The following RUFY4 variants were observed in gnomAD, a reference collection of about 807,000 sequenced individuals.
RUFY4 encodes the protein RUN and FYVE domain-containing protein 4.
RUFY4 carries 73 observed loss-of-function variants against 69.0 expected under a neutral mutation model. The observed-to-expected ratio is 1.06, with a 90% confidence interval of 0.88 to 1.29. The LOEUF (loss-of-function observed/expected upper bound fraction) is 1.29, where lower values mean the gene tolerates loss of function less well. Ranked by LOEUF, RUFY4 falls within the 50% of genes most tolerant of loss-of-function variation. The pLI, the probability that RUFY4 is intolerant of heterozygous loss-of-function variation, is 0.00. For synonymous variants in RUFY4, 287 were observed against 271.8 expected (o/e 1.06, Z -0.55); for missense variants, 770 against 705.6 (o/e 1.09, Z -1.03).
At chr2:218,062,404 T>G (rs1689218803) in intron 3 of RUFY4, among the ~76,000 whole-genome samples, 1 of 88,346 alleles carries the variant, frequency 1.1e-5, no homozygotes, top group African/African-American at 5.8e-5. Flanking sequence ...AGACTCCGTC[T>G]CAAAAAAAAA....
chr2:218,067,748 C>T (rs1215594570), upstream of RUFY4, among the ~76,000 whole-genome samples: 1 of 152,204 alleles, frequency 6.6e-6, no homozygotes, highest in Non-Finnish European at 1.5e-5. Context: ...CCTTCCCCTC[C>T]TTCTCGCCTT....
At chr2:218,064,774 C>A (rs1364564949), upstream of RUFY4, among the ~76,000 whole-genome samples, 1 of 152,036 alleles carries the variant, frequency 6.6e-6, no homozygotes, top group Admixed American at 6.5e-5. Flanking sequence ...ACCCTGGCAC[C>A]CTAGTTTCCA....
chr2:218,078,450 C>T (rs899874505), intron 8 of RUFY4, among the ~76,000 whole-genome samples: 4 of 151,968 alleles, frequency 2.6e-5, no homozygotes, highest in African/African-American at 9.7e-5. Context: ...GGAGGCCTTC[C>T]GGGCCCCAGT....
chr2:218,075,271 G>A, exon 7 of RUFY4: 2 of 1,590,700 alleles, frequency 1.3e-6, no homozygotes, highest in Non-Finnish European at 1.7e-6. Context: ...AGGAAACATA[G>A]GTACCCCCAG....
intron 10 of RUFY4, 67 bp downstream of exon 12, chr2:218,089,429 C>T (rs1689978176): frequency 7.2e-7 from 1 of 1,379,402 alleles, no homozygotes; most frequent in Admixed American, 2.0e-5. Flanking sequence ...CAGCCCCCAC[C>T]CACCCCAGGG....
Position 218,076,408 on chromosome 2 carries a change from C to A in RUFY4, c.1249-19C>A, listed in dbSNP as rs1308114864. ...GCCCTTCTCCTTCAGCCTCCTTCTCCCCTCCTTCCACCCCACAGAGCCTCA... is the reference window on the plus strand; with the variant it reads ...GCCCTTCTCCTTCAGCCTCCTTCTCACCTCCTTCCACCCCACAGAGCCTCA... On this transcript the variant is annotated intron_variant, in intron 7 of 10. Transcript: ENST00000344321. 6.5e-6 allele frequency: 10 copies of A among 1,547,986 alleles called. No individual in the cohort carries two copies.
At chr2:218,072,333 G>A in intron 2 of RUFY4, 41 bp from the exon 5 acceptor site, 1 of 1,533,626 alleles carries the variant, frequency 6.5e-7, no homozygotes, top group Non-Finnish European at 8.7e-7. Context: ...TGTTCTGGGA[G>A]GAAGCATTTC....
chr2:218,085,728 C>T (rs945840993), intron 9 of RUFY4, among the ~76,000 whole-genome samples: 5 of 152,198 alleles, frequency 3.3e-5, no homozygotes, highest in Non-Finnish European at 7.3e-5. Context: ...GGCCTATCTC[C>T]CAAGCAAATG....
chr2:218,085,657 A>G (rs1037288964), intron 9 of RUFY4, among the ~76,000 whole-genome samples: 4 of 152,202 alleles, frequency 2.6e-5, no homozygotes, highest in African/African-American at 9.7e-5. Context: ...CATTAGAAAG[A>G]GCAATCCATA....
At chr2:218,088,928 CCT>C (rs145146030) in intron 9 of RUFY4, among the ~76,000 whole-genome samples, 23 of 147,608 alleles carry the variant, frequency 1.6e-4, no homozygotes, top group Non-Finnish European at 2.6e-4. Flanking sequence ...TCTCTCCAAT[CCT>C]CTCTCTCTCT....
intron 2 of RUFY4, among the ~76,000 whole-genome samples, chr2:218,051,020 C>G (rs1688930302): frequency 6.6e-6 from 1 of 152,004 alleles, no homozygotes; most frequent in African/African-American, 2.4e-5. Flanking sequence ...TTTAAAATAT[C>G]TAGGTAAGTT....
At chr2:218,058,635 G>T (rs1027142210) in exon 3 of RUFY4, 1 of 152,248 alleles carries the variant, frequency 6.6e-6, no homozygotes, top group South Asian at 2.1e-4. Context: ...GTGAGATCTG[G>T]AAGCGGGAAT....
chr2:218,056,232 T>G (rs570643292), intron 2 of RUFY4, among the ~76,000 whole-genome samples: 48 of 151,248 alleles, frequency 3.2e-4, no homozygotes, highest in South Asian at 2.1e-3. Flanking sequence ...GGTTGTTGTT[T>G]TTTTTTTTTT....
chr2:218,087,539 C>T (rs1464351014), intron 9 of RUFY4, among the ~76,000 whole-genome samples: 1 of 152,158 alleles, frequency 6.6e-6, no homozygotes, highest in African/African-American at 2.4e-5. Context: ...GTAAAAATTA[C>T]AATGGTAGGC....
At chr2:218,055,331 G>T (rs1689038284) in intron 2 of RUFY4, among the ~76,000 whole-genome samples, 1 of 151,900 alleles carries the variant, frequency 6.6e-6, no homozygotes, top group African/African-American at 2.4e-5. Flanking sequence ...GGAAGTGGAG[G>T]TTGCAGTGAG....
chr2:218,069,388 AG>A (rs1224246159), upstream of RUFY4: 2 of 152,130 alleles, frequency 1.3e-5, no homozygotes, highest in Non-Finnish European at 2.9e-5. Flanking sequence ...CGGGGATAGA[AG>A]GAGTGTGATG....
chr2:218,089,213 G>C, intron 9 of RUFY4, 39 bp from the exon 12 acceptor site: 12 of 1,509,326 alleles, frequency 8.0e-6, no homozygotes, highest in Non-Finnish European at 1.1e-5. Flanking sequence ...TTTGATCTCT[G>C]TCTCTGTCTG....
chr2:218,084,902 G>A (rs1689855577), intron 9 of RUFY4, among the ~76,000 whole-genome samples: 1 of 152,068 alleles, frequency 6.6e-6, no homozygotes, highest in African/African-American at 2.4e-5. Context: ...ACAAAAATTA[G>A]CTGGGCGTGT....
Position 218,054,274 on chromosome 2 carries a change from G to T in RUFY4, c.-1157-4321G>T, listed in dbSNP as rs559180926. ...AATTACTTTAAGATCATGGACTAGG[G>T]TCGGGCATGATGGCTCATGTCTGTA... On this transcript the variant is annotated intron_variant and NMD_transcript_variant, in intron 2 of 13. Transcript: ENST00000457754. Among the ~76,000 whole-genome samples, 111 of 152,278 alleles carry T rather than the reference G, an allele frequency of 7.3e-4. 1 individual carries two copies. The highest frequency in any genetic ancestry group is 4.6e-4 in the Admixed American group (7 of 15,308).
Sources: allele counts gnomAD v4.1 joint callset (sites outside exome capture counted in the v4.1 genomes callset), GRCh38; gene constraint gnomAD v4.1.1; transcripts MANE v1.5; gene names NCBI Gene and HGNC (gene_info 2026-07-23, HGNC 2026-07-21).